ZNF34: variants seen among roughly 807,000 people sequenced by gnomAD.
ZNF34 encodes zinc finger protein 34, also known as zinc finger protein 34 (KOX 32).
In ZNF34, 8 loss-of-function variants were observed where a neutral mutation model predicts 14.4. The ratio of observed to expected loss-of-function variants is 0.55; its 90% confidence interval spans 0.33 to 1.00. The LOEUF (loss-of-function observed/expected upper bound fraction) is 1.00. Ranked by LOEUF, ZNF34 falls within the 50% of genes least tolerant of loss-of-function variation. ZNF34 has a pLI of 0.03. For synonymous variants in ZNF34, 235 were observed against 247.9 expected, an observed-to-expected ratio of 0.95 and a Z score of 0.49; for missense variants, 538 against 674.2, an observed-to-expected ratio of 0.80 and a Z score of 2.24.
chr8:144,786,046 G>C (rs1386582234), intron 1 of ZNF34, among the ~76,000 whole-genome samples: 1 of 149,168 alleles, frequency 6.7e-6, no homozygotes, highest in Non-Finnish European at 1.5e-5. Flanking sequence ...GAGCAGTGGC[G>C]GGATCTTGGC....
At chr8:144,775,417 C>T (rs993276913) in intron 5 of ZNF34, among the ~76,000 whole-genome samples, 21 of 152,314 alleles carry the variant, frequency 1.4e-4, no homozygotes, top group African/African-American at 4.8e-4. Flanking sequence ...CAGAGAGAGA[C>T]ATGCACAAGA....
chr8:144,783,466 CATAGA>C (rs1475892445), intron 1 of ZNF34, among the ~76,000 whole-genome samples: 1 of 152,140 alleles, frequency 6.6e-6, no homozygotes, highest in Non-Finnish European at 1.5e-5. Flanking sequence ...AAATAATCTA[CATAGA>C]AAATCCAAGA....
rs751961506 is a variant in ZNF34 at position 144,773,285 on chromosome 8, C to A, written c.1601G>T (p.Arg534Leu). ...CCACTGTTACATGGAGAAGTCCTCCCGGAGGTGAATCCGCTGATGCTGACA... is the reference window on the plus strand; with the variant it reads ...CCACTGTTACATGGAGAAGTCCTCCAGGAGGTGAATCCGCTGATGCTGACA... The part of the protein sequence containing the change: ...NMCQHQRIHL[R>L]EDFSM The change falls in exon 6 of 6, where the codon CGG (arginine) becomes CTG (leucine). Residue 534 changes from arginine to leucine, a missense_variant. Arg to Leu is a moderately radical substitution (Grantham distance 102). Around this residue, in one of 3 missense-constraint regions of ZNF34, gnomAD observed 101 missense variants for 123.1 expected, o/e 0.82. Transcript: ENST00000429371. This position sits in a 1 kb window ranked among gnomAD's most constrained non-coding sequence, Gnocchi z 5.4. 1 of 1,609,410 alleles carries A rather than the reference C, an allele frequency of 6.2e-7. No homozygotes were observed. Among genetic ancestry groups the A allele is most frequent in the Non-Finnish European group, 8.5e-7 (1 of 1,176,462 alleles).
In ZNF34 at chr8:144,773,816, A is replaced by T. The variant is rs1563783329; in HGVS notation, c.1070T>A (p.Leu357His). The T allele has an allele frequency of 6.2e-7, 1 of 1,614,128 alleles. No individual in the cohort carries two copies. Among genetic ancestry groups the T allele is most frequent in the Non-Finnish European group, 8.5e-7 (1 of 1,179,990 alleles). Residue 357 changes from leucine to histidine, a missense_variant, in exon 6 of 6, where the codon CTT (leucine) becomes CAT (histidine). Physicochemically the swap from Leu to His is moderately conservative, Grantham distance 99. Coordinates refer to ENST00000429371, the MANE Select transcript of ZNF34 (RefSeq NM_001286769.2). This position sits in a 1 kb window ranked among gnomAD's most constrained non-coding sequence, Gnocchi z 5.4. ...CGKAFSDGSI[L>H]IRHRRTHTGE... The stretch of plus-strand genomic sequence containing the variant: ...GGTGTGAGTCCGACGATGTCGGATA[A>T]GGATTGAGCCATCACTGAAGGCTTT...
rs560724748 is a variant in ZNF34, at chr8:144,780,281, CTAAAA to C, written c.-107-6_-107-2del. ...GATACATGTGATGCAACTATTTGGC[CTAAAA>C]TAAAATAACACAGAAAGGCTAAGTA... On this transcript the variant is annotated splice_acceptor_variant and splice_polypyrimidine_tract_variant and intron_variant, in intron 1 of 5. Coordinates refer to ENST00000429371, the MANE Select transcript of ZNF34 (RefSeq NM_001286769.2). LOFTEE classifies it low-confidence loss of function (5UTR_SPLICE). The C allele has an allele frequency of 1.9e-3, 2,904 of 1,549,500 alleles. 72 individuals carry two copies. Among genetic ancestry groups the C allele is most frequent in the Non-Finnish European group, 1.5e-4 (176 of 1,145,364 alleles).
chr8:144,780,553 T>C (rs1825799850), intron 1 of ZNF34, among the ~76,000 whole-genome samples: 1 of 152,178 alleles, frequency 6.6e-6, no homozygotes, highest in Non-Finnish European at 1.5e-5. Flanking sequence ...TTTGGGAGGC[T>C]GAGGCGGGTG....
At position 144,773,948 on chromosome 8, in the gene ZNF34, G is replaced by T. The variant is rs1295991227; in HGVS notation, c.938C>A (p.Pro313His). The stretch of plus-strand genomic sequence containing the variant: ...CTTCCCACACTCCCCACACTTGTAG[G>T]GTTTCTCCCCAGTGTGAATCCTCTG... ...KHQRIHTGEK[P>H]YKCGECGKHF... The change falls in exon 6 of 6, where the codon CCC (proline) becomes CAC (histidine). Residue 313 changes from proline (P) to histidine (H), a missense_variant. By Grantham distance (77) the Pro-to-His change is moderately conservative (BLOSUM62 -2). This residue lies in a region of ZNF34 where 431 missense variants were observed against 525.7 expected (regional missense o/e 0.82). Coordinates refer to ENST00000429371, the MANE Select transcript of ZNF34 (RefSeq NM_001286769.2). The surrounding 1 kb of genome is among the most constrained non-coding windows in gnomAD (Gnocchi z 5.4). 1.2e-6 allele frequency: 2 copies of T among 1,613,956 alleles called. No individual in the cohort carries two copies. The highest frequency in any genetic ancestry group is 1.7e-6 in the Non-Finnish European group (2 of 1,180,032).
intron 1 of ZNF34, among the ~76,000 whole-genome samples, chr8:144,781,008 G>T (rs951637375): frequency 1.3e-5 from 2 of 148,676 alleles, no homozygotes; most frequent in Non-Finnish European, 3.0e-5. Context: ...TGGTGGCGGG[G>T]GCCTATAGTC....
rs1825876612 is a variant in ZNF34 at position 144,781,401 on chromosome 8, T to TGG, written c.-107-1123_-107-1122dup. Among the ~76,000 whole-genome samples the TGG allele has an allele frequency of 3.3e-5, 5 of 151,642 alleles. No homozygotes were observed. In the South Asian group the frequency reaches 1.0e-3, roughly 32 times the overall value. On this transcript the variant is annotated intron_variant, in intron 1 of 5. Transcript: ENST00000429371. ...CTCCTGCCTCAGCCTCCCAAGTAGC[T>TGG]GGGACCACAGGTGCGTTTAATTTTT...
At position 144,773,377 on chromosome 8, in the gene ZNF34, G is replaced by C. The variant is rs745973964; in HGVS notation, c.1509C>G (p.Ile503Met). The C allele has an allele frequency of 1.2e-6, 2 of 1,613,762 alleles. No individual in the cohort carries two copies. The highest frequency in any genetic ancestry group is 2.2e-5 in the South Asian group (2 of 90,956). ...QSTYLIQHRR[I>M]HTGEKPYKCS... ...ACTTGTAGGGCTTCTCCCCGGTGTG[G>C]ATCCTCCGGTGCTGAATCAAGTACG... Residue 503 changes from isoleucine to methionine, a missense_variant, in exon 6 of 6, where the codon ATC (isoleucine) becomes ATG (methionine). Transcript: ENST00000429371. This position sits in a 1 kb window ranked among gnomAD's most constrained non-coding sequence, Gnocchi z 5.4.
At chr8:144,778,199 G>A in intron 3 of ZNF34, 35 bp from the exon 4 acceptor site, 1 of 1,594,122 alleles carries the variant, frequency 6.3e-7, no homozygotes, top group South Asian at 1.1e-5. Flanking sequence ...CCCAGGTGTG[G>A]TCCAGAGTGG....
In ZNF34 at chr8:144,774,408, T is replaced by C; in HGVS notation, c.478A>G (p.Asn160Asp). 1 of 1,613,870 alleles carries C rather than the reference T, an allele frequency of 6.2e-7. No individual in the cohort carries two copies. The highest frequency in any genetic ancestry group is 8.5e-7 in the Non-Finnish European group (1 of 1,179,824). Reference sequence around the variant, plus strand: ...ACAGGTCTTGACAGCAACCTGAGGTTTCCCCCAGACTCCCTGCTGCTCTCC... The same window carrying C: ...ACAGGTCTTGACAGCAACCTGAGGTCTCCCCCAGACTCCCTGCTGCTCTCC... ...NGESSRESGG[N>D]LRLLSRPVPD... The change falls in exon 6 of 6, where the codon AAC (asparagine) becomes GAC (aspartate). Residue 160 changes from asparagine to aspartate, a missense_variant. Asn to Asp is a conservative substitution (Grantham distance 23). Transcript: ENST00000429371.
At chr8:144,781,498 T>C (rs1377377050) in intron 1 of ZNF34, among the ~76,000 whole-genome samples, 2 of 152,068 alleles carry the variant, frequency 1.3e-5, no homozygotes, top group East Asian at 1.9e-4. Flanking sequence ...CCTTGTGATC[T>C]GCCCGCCTTG....
At chr8:144,775,580 C>A (rs1487193108) in intron 5 of ZNF34, among the ~76,000 whole-genome samples, 3 of 152,176 alleles carry the variant, frequency 2.0e-5, no homozygotes, top group African/African-American at 7.2e-5. Flanking sequence ...GCAGCTCTCA[C>A]AGTGTTCAGC....
chr8:144,781,462 T>C (rs920318501), intron 1 of ZNF34, among the ~76,000 whole-genome samples: 3 of 152,018 alleles, frequency 2.0e-5, no homozygotes, highest in African/African-American at 4.8e-5. Context: ...TTCACCGTGC[T>C]GGCCAGGATG....
intron 1 of ZNF34, among the ~76,000 whole-genome samples, chr8:144,782,168 A>T (rs573143777): frequency 6.6e-6 from 1 of 152,294 alleles, no homozygotes; most frequent in South Asian, 2.1e-4. Context: ...CTAAAAATAT[A>T]AAAATTAGCT....
chr8:144,784,858 C>G (rs1282156267), intron 1 of ZNF34, among the ~76,000 whole-genome samples: 1 of 151,886 alleles, frequency 6.6e-6, no homozygotes, highest in Non-Finnish European at 1.5e-5. Flanking sequence ...CATGGTAGCT[C>G]ACACCTGTAA....
chr8:144,774,505 GA>G lies in ZNF34; in HGVS notation c.380del (p.Ile127ThrfsTer11). 6.2e-7 allele frequency: 1 copy of G among 1,613,974 alleles called. No homozygotes were observed. Among genetic ancestry groups the G allele is most frequent in the Non-Finnish European group, 8.5e-7 (1 of 1,179,900 alleles). On this transcript the variant is annotated frameshift_variant, in exon 6 of 6. Transcript: ENST00000429371. LOFTEE classifies it low-confidence loss of function (END_TRUNC). ...GSEPVEACDH[I>X]SKSEGSLEKL... ...TTTCCAGGCTCCCCTCTGACTTACTGATGTGGTCACAGGCTTCTACTGGCTC... is the reference window on the plus strand; with the variant it reads ...TTTCCAGGCTCCCCTCTGACTTACTGTGTGGTCACAGGCTTCTACTGGCTC...
At chr8:144,782,671 T>C (rs1825961784) in intron 1 of ZNF34, among the ~76,000 whole-genome samples, 1 of 148,278 alleles carries the variant, frequency 6.7e-6, no homozygotes, top group South Asian at 2.1e-4. Context: ...AACCCCTCTC[T>C]ACAAAAAATA....
Sources: gnomAD v4.1 joint callset for allele counts (sites outside exome capture counted in the v4.1 genomes callset) on GRCh38, gnomAD v4.1.1 for gene constraint, gnomAD v4.1.1 regional missense constraint, Gnocchi (gnomAD v3.1) non-coding constraint, MANE v1.5 for transcripts, NCBI Gene and HGNC (gene_info 2026-07-23, HGNC 2026-07-21) for gene names.